Variants in TNIK observed in about 807,000 individuals in gnomAD.
TNIK encodes the protein TRAF2 and NCK interacting kinase, also known as TRAF2 and NCK-interacting protein kinase.
A neutral mutation model predicts 191.3 loss-of-function variants in TNIK; 49 were observed. The observed-to-expected ratio is 0.26, with a 90% confidence interval of 0.20 to 0.32. The LOEUF is 0.32. TNIK is among the 10% of genes least tolerant of loss of function. The probability of loss-of-function intolerance (pLI) is 1.00; values close to 1 mark genes in which losing one functional copy is unlikely to be tolerated. For missense variants in TNIK, 1,155 were observed against 1,702.3 expected, an observed-to-expected ratio of 0.68 and a Z score of 5.66; for synonymous variants, 594 against 600.9, an observed-to-expected ratio of 0.99 and a Z score of 0.17.
intron 18 of TNIK, among the ~76,000 whole-genome samples, chr3:171,117,129 G>T (rs1022948543): frequency 1.3e-5 from 2 of 152,188 alleles, no homozygotes; most frequent in African/African-American, 4.8e-5. Context: ...CTTCGAAAAG[G>T]TAGTAAATAT....
intron 2 of TNIK, among the ~76,000 whole-genome samples, chr3:171,233,149 TAG>T (rs566282469): frequency 1.4e-4 from 22 of 152,270 alleles, no homozygotes; most frequent in African/African-American, 4.6e-4. Flanking sequence ...CACACACAGG[TAG>T]AGAGTGGCTC....
intron 2 of TNIK, among the ~76,000 whole-genome samples, chr3:171,354,330 T>C (rs1227551205): frequency 6.6e-6 from 1 of 152,098 alleles, no homozygotes; most frequent in South Asian, 2.1e-4. Context: ...AGTAGTTGAG[T>C]GCAACTGCCC....
chr3:171,342,430 C>T (rs1417451997), intron 2 of TNIK, among the ~76,000 whole-genome samples: 1 of 152,150 alleles, frequency 6.6e-6, no homozygotes, highest in Admixed American at 6.6e-5. Flanking sequence ...GGCAGAAAGG[C>T]TTTGCTTGTT....
intron 5 of TNIK, among the ~76,000 whole-genome samples, chr3:171,193,435 GT>G (rs1259611410): frequency 6.6e-5 from 10 of 152,208 alleles, no homozygotes; most frequent in African/African-American, 1.9e-4. Context: ...TGGGTAATCT[GT>G]GAAATAATGT....
intron 2 of TNIK, among the ~76,000 whole-genome samples, chr3:171,336,968 C>T (rs1757018547): frequency 6.6e-6 from 1 of 152,174 alleles, no homozygotes; most frequent in South Asian, 2.1e-4. Flanking sequence ...GAGCTCCTTT[C>T]CCTGTGGAAG....
At chr3:171,442,276 C>T (rs948346292) in intron 1 of TNIK, among the ~76,000 whole-genome samples, 1 of 152,162 alleles carries the variant, frequency 6.6e-6, no homozygotes, top group Admixed American at 6.5e-5. Flanking sequence ...TGATGAGATA[C>T]AAGAGACCTT....
chr3:171,308,391 C>T (rs1208025345), intron 2 of TNIK, among the ~76,000 whole-genome samples: 1 of 151,930 alleles, frequency 6.6e-6, no homozygotes, highest in Non-Finnish European at 1.5e-5. Flanking sequence ...CTTCCTTACA[C>T]CACACACAAA....
chr3:171,178,081 T>G (rs913968308), intron 7 of TNIK, among the ~76,000 whole-genome samples: 7 of 152,264 alleles, frequency 4.6e-5, no homozygotes, highest in African/African-American at 1.7e-4. Flanking sequence ...TCTATGGACA[T>G]ATCACTGTTT....
chr3:171,264,774 A>G (rs1232435392), intron 2 of TNIK, among the ~76,000 whole-genome samples: 1 of 152,254 alleles, frequency 6.6e-6, no homozygotes, highest in East Asian at 1.9e-4. Flanking sequence ...ACACAGAAGA[A>G]GGAAGCGATA....
intron 18 of TNIK, among the ~76,000 whole-genome samples, chr3:171,112,071 A>G (rs895071797): frequency 3.3e-5 from 5 of 152,240 alleles, no homozygotes; most frequent in Non-Finnish European, 5.9e-5. Context: ...ATGTCATCAG[A>G]AAAAAATGAT....
intron 2 of TNIK, among the ~76,000 whole-genome samples, chr3:171,308,123 T>C (rs1326923803): frequency 6.6e-6 from 1 of 151,864 alleles, no homozygotes; most frequent in African/African-American, 2.4e-5. Context: ...GTGAAAACAA[T>C]CCTAGGAAAA....
At chr3:171,178,696 G>GA (rs1278658836) in intron 7 of TNIK, among the ~76,000 whole-genome samples, 9 of 152,268 alleles carry the variant, frequency 5.9e-5, no homozygotes, top group Non-Finnish European at 1.3e-4. Context: ...AGATTGGTAA[G>GA]AAAATCTAGT....
intron 2 of TNIK, among the ~76,000 whole-genome samples, chr3:171,296,125 AT>A (rs1435333675): frequency 6.6e-6 from 1 of 152,156 alleles, no homozygotes; most frequent in Non-Finnish European, 1.5e-5. Context: ...AACTCCTCAT[AT>A]TTTGTCAGAT....
In TNIK at chr3:171,110,802, G is replaced by A. The variant is rs1288866188; in HGVS notation, c.2196C>T (p.Ser732=). The A allele has an allele frequency of 6.2e-7, 1 of 1,604,160 alleles. No homozygotes were observed. Among genetic ancestry groups the A allele is most frequent in the South Asian group, 1.1e-5 (1 of 88,368 alleles). Residue 732 remains serine (S), a synonymous_variant, in exon 19 of 33, where the codon AGC becomes AGT. Transcript: ENST00000436636. ...LQRTSSGSSS[S]SSTPSSQPSS... is the part of the protein sequence containing the mutation. The stretch of plus-strand genomic sequence containing the variant: ...TGGGCTGGGAGCTAGGGGTGCTGGA[G>A]CTGGAGGAACTGCCACTGCTGGTCC...
intron 23 of TNIK, among the ~76,000 whole-genome samples, chr3:171,093,515 A>G (rs1201848983): frequency 3.9e-5 from 6 of 152,250 alleles, no homozygotes; most frequent in Admixed American, 3.3e-4. Flanking sequence ...CAGAGAGACC[A>G]TTCATTTCTG....
At chr3:171,081,865 A>G (rs973206437) in intron 27 of TNIK, among the ~76,000 whole-genome samples, 1 of 152,074 alleles carries the variant, frequency 6.6e-6, no homozygotes, top group Non-Finnish European at 1.5e-5. Context: ...GAGGGAAGAG[A>G]CCAAGAAATT....
intron 4 of TNIK, among the ~76,000 whole-genome samples, chr3:171,196,565 T>A (rs1049423236): frequency 7.2e-5 from 11 of 152,104 alleles, no homozygotes; most frequent in Non-Finnish European, 1.2e-4. Context: ...CAAAGAGTTT[T>A]TTCAACACAT....
At chr3:171,215,435 G>A (rs1165693865) in intron 3 of TNIK, among the ~76,000 whole-genome samples, 1 of 152,100 alleles carries the variant, frequency 6.6e-6, no homozygotes, top group Non-Finnish European at 1.5e-5. Context: ...CGAGTAAAAT[G>A]AGTCTCAGAG....
In TNIK at chr3:171,351,686, T is replaced by C. The variant is rs74361863; in HGVS notation, c.123+17934A>G. Among the ~76,000 whole-genome samples the C allele has an allele frequency of 3.8e-3, 580 of 152,292 alleles. 4 individuals carry two copies. Among genetic ancestry groups the C allele is most frequent in the African/African-American group, 0.013 (558 of 41,566 alleles). On this transcript the variant is annotated intron_variant, in intron 2 of 32. Transcript: ENST00000436636. ...AGTAGCCAAATGTTGCAAATCTTCA[T>C]GTACCCTCCACCTAAGTATTACAGA... is the stretch of plus-strand genomic sequence containing the variant.
Sources: allele counts gnomAD v4.1 joint callset (sites outside exome capture counted in the v4.1 genomes callset), GRCh38; gene constraint gnomAD v4.1.1; transcripts MANE v1.5; gene names NCBI Gene and HGNC (gene_info 2026-07-23, HGNC 2026-07-21).